The following ZMYND11 variants were observed in gnomAD, a reference collection of about 807,000 sequenced individuals.
The protein encoded by ZMYND11 is zinc finger MYND-type containing 11, also known as zinc finger MYND domain-containing protein 11.
A neutral mutation model predicts 84.9 loss-of-function variants in ZMYND11; 9 were observed. The ratio of observed to expected loss-of-function variants is 0.11; its 90% CI spans 0.06 to 0.18. The LOEUF (loss-of-function observed/expected upper bound fraction) is 0.18, where lower values mean the gene tolerates loss of function less well. Among genes scored for constraint, ZMYND11 ranks in the 10% least tolerant of loss-of-function variants. ZMYND11 has a pLI of 1.00. For synonymous variants in ZMYND11, 250 were observed against 244.1 expected, an observed-to-expected ratio of 1.02 and a Z score of -0.23; for missense variants, 409 against 761.0, an observed-to-expected ratio of 0.54 and a Z score of 5.44.
chr10:164,238 A>G (rs1843510132), intron 1 of ZMYND11, among the ~76,000 whole-genome samples: 1 of 152,086 alleles, frequency 6.6e-6, no homozygotes, highest in Admixed American at 6.6e-5. Flanking sequence ...TCTGCTTCAA[A>G]CATACCGAGT....
chr10:174,159 C>T (rs571073826), intron 1 of ZMYND11, among the ~76,000 whole-genome samples: 4 of 152,132 alleles, frequency 2.6e-5, no homozygotes, highest in East Asian at 1.9e-4. Flanking sequence ...AACCTTTCCT[C>T]GAGTAGGTGA....
At chr10:161,259 T>A (rs1392901437) in intron 1 of ZMYND11, among the ~76,000 whole-genome samples, 1 of 152,216 alleles carries the variant, frequency 6.6e-6, no homozygotes, top group Non-Finnish European at 1.5e-5. Flanking sequence ...AGTAATATTT[T>A]GAAAGGAATC....
chr10:252,293 G>T lies in ZMYND11; in HGVS notation c.1687-55G>T, dbSNP rs1953675620. The T allele has an allele frequency of 6.2e-7, 1 of 1,601,090 alleles. No homozygotes were observed. Among genetic ancestry groups the T allele is most frequent in the Admixed American group, 1.7e-5 (1 of 58,458 alleles). ...CCTCAAGAGTTTGCCATTTTAACCA[G>T]TCGCTTACACATCCACACCCAAGTC... On this transcript the variant is annotated intron_variant, in intron 14 of 14. Coordinates refer to ENST00000381604, the MANE Select transcript of ZMYND11 (RefSeq NM_001370100.5). The surrounding 1 kb of genome is among the most constrained non-coding windows in gnomAD (Gnocchi z 4.6).
intron 3 of ZMYND11, among the ~76,000 whole-genome samples, chr10:211,254 TC>T (rs747330958): frequency 1.3e-5 from 2 of 151,294 alleles, no homozygotes; most frequent in Non-Finnish European, 2.9e-5. Context: ...AAAAAAAAAA[TC>T]TATCTATAGA....
chr10:168,758 C>G (rs1844598589), intron 1 of ZMYND11, among the ~76,000 whole-genome samples: 1 of 152,050 alleles, frequency 6.6e-6, no homozygotes, highest in Non-Finnish European at 1.5e-5. Flanking sequence ...ATTGGAGAGA[C>G]AGATAGGTAG....
intron 1 of ZMYND11, among the ~76,000 whole-genome samples, chr10:146,233 G>C (rs984773604): frequency 6.6e-6 from 1 of 152,056 alleles, no homozygotes; most frequent in East Asian, 1.9e-4. Context: ...TTTCCATTCT[G>C]TGTGTCTACT....
intron 4 of ZMYND11, among the ~76,000 whole-genome samples, chr10:228,467 C>A (rs760827535): frequency 2.6e-5 from 4 of 152,152 alleles, no homozygotes; most frequent in Non-Finnish European, 5.9e-5. Flanking sequence ...CTCAGTGTTT[C>A]CAAAGTTCAT....
intron 1 of ZMYND11, among the ~76,000 whole-genome samples, chr10:155,946 T>TACTCCATATACAAG (rs1284159031): frequency 1.3e-5 from 2 of 152,320 alleles, no homozygotes; most frequent in Admixed American, 6.5e-5. Flanking sequence ...ACTGGGCCAT[T>TACTCCATATACAAG]GAGTGGCAAA....
chr10:159,029 C>T (rs1588527528), intron 1 of ZMYND11, among the ~76,000 whole-genome samples: 1 of 37,770 alleles, frequency 2.6e-5, no homozygotes, highest in African/African-American at 9.4e-5. Flanking sequence ...GTTGTCTTTT[C>T]ACTTAATGGT....
chr10:172,318 T>G (rs1845533136), intron 1 of ZMYND11, among the ~76,000 whole-genome samples: 1 of 152,178 alleles, frequency 6.6e-6, no homozygotes, highest in Non-Finnish European at 1.5e-5. Flanking sequence ...AAAACTGTCT[T>G]TGTTGACAGA....
At chr10:179,579 G>T (rs935420299) in intron 1 of ZMYND11, among the ~76,000 whole-genome samples, 1 of 151,996 alleles carries the variant, frequency 6.6e-6, no homozygotes, top group African/African-American at 2.4e-5. Flanking sequence ...TTTAAGCCAT[G>T]ATTATAATAA....
At chr10:149,667 A>C (rs919697266) in intron 1 of ZMYND11, among the ~76,000 whole-genome samples, 19 of 152,176 alleles carry the variant, frequency 1.2e-4, no homozygotes, top group African/African-American at 4.6e-4. Flanking sequence ...TTGCATATTA[A>C]ATTGTGGGTA....
At chr10:232,254 G>T (rs1051054933) in intron 4 of ZMYND11, among the ~76,000 whole-genome samples, 1 of 152,206 alleles carries the variant, frequency 6.6e-6, no homozygotes, top group South Asian at 2.1e-4. Context: ...CAGCGTGAAC[G>T]CCACAGAAAG....
chr10:218,885 A>T (rs1359953350), intron 3 of ZMYND11, among the ~76,000 whole-genome samples: 4 of 152,220 alleles, frequency 2.6e-5, no homozygotes, highest in Non-Finnish European at 5.9e-5. Context: ...ACATGCCTGT[A>T]TGATTCATCC....
chr10:237,243 CTA>C (rs1329120462), intron 5 of ZMYND11, among the ~76,000 whole-genome samples: 5 of 152,152 alleles, frequency 3.3e-5, no homozygotes, highest in Non-Finnish European at 5.9e-5. Flanking sequence ...TTCAAAATAA[CTA>C]TTCTATCACA....
At chr10:248,776 A>T in intron 13 of ZMYND11, 127 bp from the exon 14 acceptor site, 1 of 1,411,216 alleles carries the variant, frequency 7.1e-7, no homozygotes. Flanking sequence ...CCTCACCTAA[A>T]TTTTTTACAC....
At chr10:155,010 G>C (rs919640198) in intron 1 of ZMYND11, 3 of 152,130 alleles carry the variant, frequency 2.0e-5, no homozygotes, top group Admixed American at 1.3e-4. Flanking sequence ...CTAGGCAGTA[G>C]TGGCTTAGTA....
intron 9 of ZMYND11, 75 bp downstream of exon 9, chr10:241,045 T>C: frequency 8.2e-7 from 1 of 1,216,534 alleles, no homozygotes; most frequent in Non-Finnish European, 1.2e-6. Flanking sequence ...TTAAAGATTA[T>C]AATTTTCTTC....
chr10:149,511 C>T (rs1001616266), intron 1 of ZMYND11, among the ~76,000 whole-genome samples: 9 of 151,844 alleles, frequency 5.9e-5, no homozygotes, highest in Non-Finnish European at 1.3e-4. Context: ...GGGGTTTCAC[C>T]GGGTTAGCCA....
Sources: gnomAD v4.1 joint callset for allele counts (sites outside exome capture counted in the v4.1 genomes callset) on GRCh38, gnomAD v4.1.1 for gene constraint, Gnocchi (gnomAD v3.1) non-coding constraint, MANE v1.5 for transcripts, NCBI Gene and HGNC (gene_info 2026-07-23, HGNC 2026-07-21) for gene names.